The following GLIS3 variants were observed in gnomAD, a reference collection of about 807,000 sequenced individuals.
GLIS3 encodes zinc finger protein GLIS3.
A neutral mutation model predicts 78.6 loss-of-function variants in GLIS3; 53 were observed. The observed-to-expected ratio is 0.67, with a 90% CI of 0.54 to 0.85. The LOEUF (loss-of-function observed/expected upper bound fraction) is 0.85. Among genes scored for constraint, GLIS3 ranks in the 40% least tolerant of loss-of-function variants. The probability of loss-of-function intolerance (pLI) is 0.00; values close to 1 mark genes in which losing one functional copy is unlikely to be tolerated. For synonymous variants in GLIS3, 684 were observed against 509.9 expected (o/e 1.34, Z -4.60); for missense variants, 1,703 against 1,231.1 (o/e 1.38, Z -5.74).
At chr9:4,190,219 C>T (rs977037507) in intron 2 of GLIS3, among the ~76,000 whole-genome samples, 8 of 152,132 alleles carry the variant, frequency 5.3e-5, no homozygotes, top group African/African-American at 1.9e-4. Context: ...AGGCTTCAGA[C>T]AATCAAACTA....
At chr9:4,007,553 T>C (rs1821650984) in intron 4 of GLIS3, among the ~76,000 whole-genome samples, 1 of 152,086 alleles carries the variant, frequency 6.6e-6, no homozygotes, top group Non-Finnish European at 1.5e-5. Context: ...AGCTGGAATT[T>C]CAATGGGGAT....
At chr9:4,455,748 G>A in the GLIS3 span, among the ~76,000 whole-genome samples, 1 of 152,036 alleles carries the variant, frequency 6.6e-6, no homozygotes, top group Non-Finnish European at 1.5e-5. Flanking sequence ...TTGCAGGTTC[G>A]GTCCCAGAAT....
At chr9:3,837,509 G>T (rs1304119173) in intron 9 of GLIS3, among the ~76,000 whole-genome samples, 1 of 152,270 alleles carries the variant, frequency 6.6e-6, no homozygotes, top group East Asian at 1.9e-4. Flanking sequence ...CCAAAATTTG[G>T]AAGCAACCGA....
At chr9:4,459,300 G>C in the GLIS3 span, among the ~76,000 whole-genome samples, 1 of 152,226 alleles carries the variant, frequency 6.6e-6, no homozygotes, top group Non-Finnish European at 1.5e-5. Context: ...TAAAAGCAAA[G>C]ACAGCCCAAG....
At chr9:4,247,867 T>G (rs1025160134) in intron 2 of GLIS3, among the ~76,000 whole-genome samples, 1 of 152,154 alleles carries the variant, frequency 6.6e-6, no homozygotes, top group Admixed American at 6.5e-5. Flanking sequence ...AATTAGCATA[T>G]CCATCACTTC....
chr9:3,882,380 C>G (rs1821789749), intron 7 of GLIS3, among the ~76,000 whole-genome samples: 1 of 152,124 alleles, frequency 6.6e-6, no homozygotes, highest in Admixed American at 6.6e-5. Flanking sequence ...TAAATGTTCT[C>G]ACAGATACCC....
At chr9:4,321,504 T>C (rs1309783247) in intron 2 of GLIS3, among the ~76,000 whole-genome samples, 1 of 146,874 alleles carries the variant, frequency 6.8e-6, no homozygotes, top group African/African-American at 2.5e-5. Flanking sequence ...CCTTGGTATA[T>C]GTTATGCTAT....
chr9:4,171,527 C>T (rs1375397725), intron 2 of GLIS3, among the ~76,000 whole-genome samples: 3 of 152,114 alleles, frequency 2.0e-5, no homozygotes, highest in Admixed American at 2.0e-4. Context: ...ATGCAGACTT[C>T]AAAATTTGGA....
chr9:4,021,993 T>A (rs1445551483), intron 4 of GLIS3, among the ~76,000 whole-genome samples: 1 of 152,192 alleles, frequency 6.6e-6, no homozygotes, highest in African/African-American at 2.4e-5. Flanking sequence ...TGTGTTTGTT[T>A]GTTTTTAGTC....
chr9:3,837,400 C>G (rs1818419627), intron 9 of GLIS3, among the ~76,000 whole-genome samples: 1 of 152,336 alleles, frequency 6.6e-6, no homozygotes, highest in Non-Finnish European at 1.5e-5. Flanking sequence ...CCATAGGATT[C>G]AGCAATTGTG....
the GLIS3 span, among the ~76,000 whole-genome samples, chr9:4,432,648 T>TC: frequency 6.7e-6 from 1 of 149,450 alleles, no homozygotes; most frequent in East Asian, 1.9e-4. Flanking sequence ...CTTTTTTTTT[T>TC]TTTTTTTTTT....
rs565117497 is a variant in GLIS3, at chr9:3,922,754, AAGAG to A, written c.1983+9602_1983+9605del. The stretch of plus-strand genomic sequence containing the variant: ...TAAAAGTATGCTTTGAAAAAATATA[AAGAG>A]AGAAAGCCAAAAAAATGGAGAAAGA... On this transcript the variant is annotated intron_variant, in intron 6 of 10. Transcript: ENST00000381971. Among the ~76,000 whole-genome samples the A allele has an allele frequency of 7.2e-5, 11 of 152,302 alleles. No homozygotes were observed. In the East Asian group the frequency reaches 2.1e-3, roughly 29 times the overall value.
chr9:3,954,838 A>G (rs2130858064), intron 4 of GLIS3, among the ~76,000 whole-genome samples: 1 of 152,340 alleles, frequency 6.6e-6, no homozygotes, highest in African/African-American at 2.4e-5. Context: ...AATAAAGTAA[A>G]AGAGGATGAA....
intron 9 of GLIS3, among the ~76,000 whole-genome samples, chr9:3,844,152 T>A (rs1447388497): frequency 1.3e-5 from 2 of 152,190 alleles, no homozygotes; most frequent in Non-Finnish European, 2.9e-5. Context: ...TCAAGCCAGT[T>A]CTAGCATTCT....
the GLIS3 span, among the ~76,000 whole-genome samples, chr9:4,473,678 G>C: frequency 6.6e-6 from 1 of 151,710 alleles, no homozygotes; most frequent in Non-Finnish European, 1.5e-5. Flanking sequence ...ATCAGGAAAA[G>C]TAACTAAGCT....
At chr9:4,188,371 T>C (rs998835171) in intron 2 of GLIS3, among the ~76,000 whole-genome samples, 108 of 149,394 alleles carry the variant, frequency 7.2e-4, no homozygotes, top group African/African-American at 2.5e-3. Flanking sequence ...GGATAAGCTT[T>C]TTGATGTGCT....
chr9:3,932,940 A>G (rs7873636), intron 5 of GLIS3: 66,326 of 291,780 alleles, frequency 0.23, 7,993 homozygotes, highest in Non-Finnish European at 0.26. Flanking sequence ...AGAGAAAGGG[A>G]GAGAATTAAG....
At chr9:4,065,561 T>C (rs2130594964) in intron 4 of GLIS3, among the ~76,000 whole-genome samples, 2 of 152,356 alleles carry the variant, frequency 1.3e-5, no homozygotes, top group Middle Eastern at 6.8e-3. Context: ...TGTCATGTTC[T>C]ACCAATTAGC....
the GLIS3 span, among the ~76,000 whole-genome samples, chr9:4,379,045 G>C: frequency 6.6e-6 from 1 of 152,210 alleles, no homozygotes; most frequent in Admixed American, 6.5e-5. Context: ...CTGTTTTCAA[G>C]TGCTTGTGGT....
Sources: gnomAD v4.1 joint callset for allele counts (sites outside exome capture counted in the v4.1 genomes callset) on GRCh38, gnomAD v4.1.1 for gene constraint, MANE v1.5 for transcripts, NCBI Gene and HGNC (gene_info 2026-07-23, HGNC 2026-07-21) for gene names.